GPR34: variants seen among roughly 807,000 people sequenced by gnomAD.
GPR34 encodes G protein-coupled receptor 34.
Under a neutral mutation model 14.1 loss-of-function variants are expected in GPR34, and 3 were observed. The ratio of observed to expected loss-of-function variants is 0.21; its 90% CI spans 0.10 to 0.55. The LOEUF is 0.55. Among genes scored for constraint, GPR34 ranks in the 20% least tolerant of loss-of-function variants. GPR34 has a pLI of 0.94. For synonymous variants in GPR34, 99 were observed against 99.9 expected, an observed-to-expected ratio of 0.99 and a Z score of 0.05; for missense variants, 213 against 292.8, an observed-to-expected ratio of 0.73 and a Z score of 1.99.
Position 41,695,585 on chromosome X carries a change from G to A in GPR34, c.-49G>A, listed in dbSNP as rs376489065. 6 of 860,199 alleles carry A rather than the reference G, an allele frequency of 7.0e-6. No individual in the cohort carries two copies. The African/African-American group carries it at 1.0e-4, about 14-fold the overall frequency. The allele number at this position is 860,199 out of a possible 1,213,427, so 70.9% of individuals were successfully genotyped here. On this transcript the variant is annotated 5_prime_UTR_variant, in exon 3 of 3. The change abolishes an upstream ATG in the 5' untranslated region. Coordinates refer to ENST00000378142, the MANE Select transcript of GPR34 (RefSeq NM_001097579.2). ...ATCTGAAGACATAAGAACTACACATGAGGAATATGTCATTTAGCACTTTCA... is the reference window on the plus strand; with the variant it reads ...ATCTGAAGACATAAGAACTACACATAAGGAATATGTCATTTAGCACTTTCA...
rs1420934576 is a variant in GPR34 at position 41,696,991 on chromosome X, T to A, written c.*212T>A. ...TTTTCAAAATACATTTTTAAGCTAA[T>A]ACTCTTAACATAGATTATGAAGTTA... On this transcript the variant is annotated 3_prime_UTR_variant, in exon 3 of 3. Coordinates refer to ENST00000378142, the MANE Select transcript of GPR34 (RefSeq NM_001097579.2). The A allele has an allele frequency of 9.5e-6, 3 of 314,227 alleles. No homozygotes were observed. Among genetic ancestry groups the A allele is most frequent in the Non-Finnish European group, 1.7e-5 (3 of 174,431 alleles). The allele number at this position is 314,227 out of a possible 1,213,427, so 25.9% of individuals were successfully genotyped here.
intron 2 of GPR34, 134 bp from the exon 3 acceptor site, chrX:41,695,421 T>A: frequency 3.7e-6 from 1 of 271,408 alleles, no homozygotes; most frequent in Non-Finnish European, 6.7e-6. Context: ...GTTCAAGCAA[T>A]CCTTCTGCTG....
chrX:41,695,723 C>T lies in GPR34; in HGVS notation c.90C>T (p.Ser30=), dbSNP rs781610719. 2.7e-5 allele frequency: 32 copies of T among 1,203,566 alleles called. No homozygotes were observed. The highest frequency in any genetic ancestry group is 3.4e-5 in the Non-Finnish European group (30 of 889,978). Residue 30 remains serine (S), a synonymous_variant, in exon 3 of 3, where the codon AGC becomes AGT. Transcript: ENST00000378142. ...GAATGCGCTTTATAACCAATCATAG[C>T]GACCAACCGCCACAAAACTTCTCAG... ...SHRMRFITNH[S]DQPPQNFSAT...
rs1434802611 is a variant in GPR34, at chrX:41,697,245, G to C, written c.*466G>C. 1 of 123,577 alleles carries C rather than the reference G, an allele frequency of 8.1e-6. No homozygotes were observed. Among genetic ancestry groups the C allele is most frequent in the Admixed American group, 9.5e-5 (1 of 10,501 alleles). 10.2% of individuals were successfully genotyped at this position (123,577 alleles called of 1,213,427 possible). On this transcript the variant is annotated 3_prime_UTR_variant, in exon 3 of 3. Transcript: ENST00000378142. ...CCTAAATCTCTATAACAGATGAAAAGATAATTAATAAAATCCTAATTAAAA... is the reference window on the plus strand; with the variant it reads ...CCTAAATCTCTATAACAGATGAAAACATAATTAATAAAATCCTAATTAAAA...
intron 2 of GPR34, among the ~76,000 whole-genome samples, chrX:41,690,661 A>T (rs1315893151): frequency 1.0e-5 from 1 of 97,229 alleles, no homozygotes; most frequent in Non-Finnish European, 2.1e-5. Flanking sequence ...GCTCCCGGCC[A>T]ATTTTTTTTT....
chrX:41,691,733 T>C (rs746134856), intron 2 of GPR34, among the ~76,000 whole-genome samples: 28 of 101,283 alleles, frequency 2.8e-4, no homozygotes, highest in Non-Finnish European at 4.3e-4. Flanking sequence ...CCCAGCTACT[T>C]GGGAGGCTGA....
chrX:41,695,490 C>T, intron 2 of GPR34, 65 bp from the exon 3 acceptor site: 1 of 457,807 alleles, frequency 2.2e-6, no homozygotes. Flanking sequence ...CTATTATTTA[C>T]ACTTTTAGTT....
intron 2 of GPR34, among the ~76,000 whole-genome samples, chrX:41,690,440 G>A (rs563343773): frequency 2.4e-4 from 26 of 110,013 alleles, no homozygotes; most frequent in Middle Eastern, 4.7e-3. Context: ...TCTGTCTCCC[G>A]GGTTCAAGCA....
intron 2 of GPR34, among the ~76,000 whole-genome samples, chrX:41,691,938 A>T (rs1335120961): frequency 1.9e-5 from 2 of 107,629 alleles, no homozygotes; most frequent in African/African-American, 6.8e-5. Flanking sequence ...TATTTTAGAG[A>T]CAGGTTCATG....
In GPR34 at chrX:41,688,978, AT is replaced by A. The variant is rs2067493549; in HGVS notation, c.-277del. 1 of 110,830 alleles carries A rather than the reference AT, an allele frequency of 9.0e-6. No individual in the cohort carries two copies. The highest frequency in any genetic ancestry group is 1.9e-5 in the Non-Finnish European group (1 of 52,815). The allele number at this position is 110,830 out of a possible 1,213,427, so 9.1% of individuals were successfully genotyped here. A position where few individuals can be genotyped will look rare whatever the true frequency, so the allele number is the denominator to read the frequency against. On this transcript the variant is annotated 5_prime_UTR_variant, in exon 1 of 3. It adds an upstream start codon to the 5' untranslated region. Coordinates refer to ENST00000378142, the MANE Select transcript of GPR34 (RefSeq NM_001097579.2). The stretch of plus-strand genomic sequence containing the variant: ...ATAAAAAAGAAGAGAACCCCAACCA[AT>A]TGCACCACGACCGGATGGAAGAGCC...
intron 2 of GPR34, among the ~76,000 whole-genome samples, chrX:41,694,881 C>T (rs759869368): frequency 3.6e-5 from 4 of 111,838 alleles, no homozygotes; most frequent in South Asian, 7.5e-4. Context: ...ACAAGTCACA[C>T]GCCATGTAGC....
In GPR34 at chrX:41,694,604, C is replaced by G. The variant is rs147476049; in HGVS notation, c.-79-951C>G. 2.2e-3 allele frequency among the ~76,000 whole-genome samples: 250 copies of G among 112,248 alleles called. 1 individual carries two copies. The highest frequency in any genetic ancestry group is 3.7e-3 in the Non-Finnish European group (197 of 53,209). ...GCTTTGGTCAGGTTACTTTCAAAAT[C>G]TTGGATTGCACATGCTGTTTCCCAT... On this transcript the variant is annotated intron_variant, in intron 2 of 2. Transcript: ENST00000378142.
At chrX:41,694,070 G>A (rs771617103) in intron 2 of GPR34, among the ~76,000 whole-genome samples, 2 of 111,758 alleles carry the variant, frequency 1.8e-5, no homozygotes, top group South Asian at 7.5e-4. Flanking sequence ...TACTAATAGG[G>A]TCTCTGTCTT....
At chrX:41,689,183 G>A (rs1325146315) in intron 1 of GPR34, 99 bp downstream of exon 1, 1 of 112,088 alleles carries the variant, frequency 8.9e-6, no homozygotes, top group Non-Finnish European at 1.9e-5. Flanking sequence ...ATGGTGATAA[G>A]GCTACTCTAA....
In GPR34 at chrX:41,691,674, T is replaced by C. The variant is rs757600135; in HGVS notation, c.-80+1839T>C. Among the ~76,000 whole-genome samples the C allele has an allele frequency of 1.8e-3, 197 of 106,845 alleles. 2 individuals carry two copies. The highest frequency in any genetic ancestry group is 0.018 in the Admixed American group (177 of 9,870). 92.8% of individuals were successfully genotyped at this position (106,845 alleles called of 115,157 possible). ...GAGTTCAAGACCAGCCTGGCCAACATAGTGAAACTCCGTCTCTACTAAAAA... is the reference window on the plus strand; with the variant it reads ...GAGTTCAAGACCAGCCTGGCCAACACAGTGAAACTCCGTCTCTACTAAAAA... On this transcript the variant is annotated intron_variant, in intron 2 of 2. Transcript: ENST00000378142.
Position 41,693,042 on chromosome X carries a change from C to T in GPR34, c.-79-2513C>T, listed in dbSNP as rs111390539. Among the ~76,000 whole-genome samples, 1,100 of 111,345 alleles carry T rather than the reference C, an allele frequency of 9.9e-3. 11 individuals carry two copies. The highest frequency in any genetic ancestry group is 0.033 in the African/African-American group (1,022 of 30,617). Reference sequence around the variant, plus strand: ...GAACAAAATTGACTTGGTTCTTAATCCTAATGGAACTTAAATTCTAACATG... The same window carrying T: ...GAACAAAATTGACTTGGTTCTTAATTCTAATGGAACTTAAATTCTAACATG... On this transcript the variant is annotated intron_variant, in intron 2 of 2. Transcript: ENST00000378142.
intron 2 of GPR34, among the ~76,000 whole-genome samples, chrX:41,693,412 G>A (rs763026454): frequency 6.3e-5 from 7 of 110,905 alleles, no homozygotes; most frequent in Non-Finnish European, 1.1e-4. Context: ...TCAGGAGTTC[G>A]AGACCAGCCT....
chrX:41,694,878 A>C (rs1482337971), intron 2 of GPR34, among the ~76,000 whole-genome samples: 1 of 111,997 alleles, frequency 8.9e-6, no homozygotes, highest in East Asian at 2.8e-4. Flanking sequence ...ACCACAAGTC[A>C]CACGCCATGT....
intron 2 of GPR34, among the ~76,000 whole-genome samples, chrX:41,691,633 C>T (rs186209893): frequency 0.017 from 1,797 of 108,063 alleles, 26 homozygotes; most frequent in African/African-American, 0.04. Context: ...CAGAGGCGGG[C>T]GGAAAATGAG....
Sources: allele counts gnomAD v4.1 joint callset (sites outside exome capture counted in the v4.1 genomes callset), GRCh38; gene constraint gnomAD v4.1.1; transcripts MANE v1.5; gene names NCBI Gene and HGNC (gene_info 2026-07-23, HGNC 2026-07-21).